Variants in SMYD3 observed in about 807,000 individuals in gnomAD.
SMYD3 encodes the protein histone-lysine N-methyltransferase SMYD3.
Under a neutral mutation model 57.7 loss-of-function variants are expected in SMYD3, and 36 were observed. The ratio of observed to expected loss-of-function variants is 0.62; its 90% confidence interval spans 0.48 to 0.82. SMYD3 has a LOEUF of 0.82. Among genes scored for constraint, SMYD3 ranks in the 40% least tolerant of loss-of-function variants. The pLI is 0.00. For missense variants in SMYD3, 515 were observed against 538.8 expected (o/e 0.96, Z 0.44); for synonymous variants, 211 against 195.0 (o/e 1.08, Z -0.68).
At chr1:245,817,314 C>A in intron 10 of SMYD3, among the ~76,000 whole-genome samples, 1 of 144,462 alleles carries the variant, frequency 6.9e-6, no homozygotes, top group Non-Finnish European at 1.5e-5. Flanking sequence ...CAGGGTATTC[C>A]AACAGCCCTG....
At chr1:246,060,340 G>C (rs553479024) in intron 5 of SMYD3, among the ~76,000 whole-genome samples, 3 of 151,564 alleles carry the variant, frequency 2.0e-5, no homozygotes, top group Admixed American at 6.6e-5. Context: ...TATCTGAGAA[G>C]ATCTCCATAT....
At chr1:246,003,008 G>C (rs1183151015) in intron 5 of SMYD3, among the ~76,000 whole-genome samples, 1 of 152,216 alleles carries the variant, frequency 6.6e-6, no homozygotes, top group Non-Finnish European at 1.5e-5. Context: ...ATGTAAGTGC[G>C]TTCTACACTC....
chr1:246,145,615 C>T (rs2061830600), intron 5 of SMYD3, among the ~76,000 whole-genome samples: 5 of 152,258 alleles, frequency 3.3e-5, no homozygotes. Flanking sequence ...ATCAGGTGAC[C>T]GAGTGTGAAC....
intron 5 of SMYD3, among the ~76,000 whole-genome samples, chr1:246,178,087 T>C (rs559300029): frequency 1.3e-5 from 2 of 152,334 alleles, no homozygotes; most frequent in Admixed American, 6.5e-5. Context: ...TAATTAGATG[T>C]AGTTACTGGA....
intron 5 of SMYD3, among the ~76,000 whole-genome samples, chr1:246,150,855 C>T (rs1248500101): frequency 1.3e-5 from 2 of 152,208 alleles, no homozygotes; most frequent in Admixed American, 1.3e-4. Flanking sequence ...AAGTCTTAAA[C>T]ATCATGCCCC....
intron 5 of SMYD3, among the ~76,000 whole-genome samples, chr1:245,939,174 A>T (rs961142089): frequency 1.9e-5 from 2 of 107,450 alleles, no homozygotes; most frequent in East Asian, 8.4e-4. Flanking sequence ...AAAAAATTTA[A>T]AAAAAAAAGA....
chr1:246,384,303 A>G (rs1197570194), intron 1 of SMYD3, among the ~76,000 whole-genome samples: 1 of 152,220 alleles, frequency 6.6e-6, no homozygotes, highest in African/African-American at 2.4e-5. Context: ...GACTAAATTT[A>G]GAAAAATCAG....
chr1:245,893,476 A>T (rs2053523892), intron 8 of SMYD3, among the ~76,000 whole-genome samples: 1 of 141,904 alleles, frequency 7.0e-6, no homozygotes, highest in Non-Finnish European at 1.5e-5. Context: ...CTTCACTTAG[A>T]AAAACAAACT....
chr1:246,435,188 G>A (rs1486811530), intron 1 of SMYD3, among the ~76,000 whole-genome samples: 1 of 152,106 alleles, frequency 6.6e-6, no homozygotes, highest in African/African-American at 2.4e-5. Flanking sequence ...GAGGAGGCAA[G>A]GATTGAAAAA....
At chr1:245,875,256 A>T (rs1197726144) in intron 8 of SMYD3, among the ~76,000 whole-genome samples, 1 of 152,240 alleles carries the variant, frequency 6.6e-6, no homozygotes, top group Non-Finnish European at 1.5e-5. Flanking sequence ...TACTGTTAAC[A>T]GAGTCTTCCA....
At chr1:246,254,467 G>A (rs1212383984) in intron 5 of SMYD3, among the ~76,000 whole-genome samples, 2 of 151,976 alleles carry the variant, frequency 1.3e-5, no homozygotes, top group African/African-American at 4.8e-5. Context: ...TTTATTTTGG[G>A]GTTCTCCACT....
intron 5 of SMYD3, among the ~76,000 whole-genome samples, chr1:246,197,036 G>C (rs1372338927): frequency 1.3e-5 from 2 of 151,640 alleles, no homozygotes; most frequent in African/African-American, 4.8e-5. Context: ...TATGTCAAAC[G>C]GACACAGAAA....
intron 8 of SMYD3, among the ~76,000 whole-genome samples, chr1:245,906,636 G>A (rs969118092): frequency 6.6e-6 from 1 of 152,194 alleles, no homozygotes; most frequent in East Asian, 1.9e-4. Context: ...CAATCCTACT[G>A]CTGGGTATAT....
chr1:245,928,489 T>G (rs1187335805), intron 6 of SMYD3, among the ~76,000 whole-genome samples: 1 of 144,924 alleles, frequency 6.9e-6, no homozygotes, highest in Non-Finnish European at 1.5e-5. Flanking sequence ...CTGATCAGCA[T>G]GGTGAAACCC....
intron 5 of SMYD3, among the ~76,000 whole-genome samples, chr1:246,030,744 T>C (rs1310385841): frequency 6.6e-6 from 1 of 152,184 alleles, no homozygotes; most frequent in Non-Finnish European, 1.5e-5. Context: ...ACATAGATCA[T>C]AAATACAAAC....
chr1:245,905,340 G>T (rs896835450), intron 8 of SMYD3, among the ~76,000 whole-genome samples: 16 of 152,130 alleles, frequency 1.1e-4, no homozygotes, highest in Non-Finnish European at 1.8e-4. Context: ...TCGGCCGGAG[G>T]GCAGTCCTCT....
At chr1:245,880,985 G>A (rs2052750175) in intron 8 of SMYD3, among the ~76,000 whole-genome samples, 1 of 142,934 alleles carries the variant, frequency 7.0e-6, no homozygotes. Flanking sequence ...GGCACACACT[G>A]TCCAGGAGAT....
chr1:245,756,799 C>CTTTTTTTTTT (rs34298332), intron 11 of SMYD3, among the ~76,000 whole-genome samples: 1 of 141,818 alleles, frequency 7.1e-6, no homozygotes. Context: ...GCTTTTAGGA[C>CTTTTTTTTTT]TTTTTTTTTT....
chr1:245,866,183 A>G (rs1171338514), intron 8 of SMYD3, among the ~76,000 whole-genome samples: 1 of 152,182 alleles, frequency 6.6e-6, no homozygotes, highest in Non-Finnish European at 1.5e-5. Flanking sequence ...GGGGCAGAGC[A>G]CCACGAACCA....
Sources: gnomAD v4.1 joint callset for allele counts (sites outside exome capture counted in the v4.1 genomes callset) on GRCh38, gnomAD v4.1.1 for gene constraint, MANE v1.5 for transcripts, NCBI Gene and HGNC (gene_info 2026-07-23, HGNC 2026-07-21) for gene names.